Variants in PKHD1 observed in about 807,000 individuals in gnomAD.
The protein encoded by PKHD1 is fibrocystin.
PKHD1 carries 291 observed loss-of-function variants against 412.0 expected under a neutral mutation model. The ratio of observed to expected loss-of-function variants is 0.71; its 90% confidence interval spans 0.64 to 0.78. The LOEUF (loss-of-function observed/expected upper bound fraction) is 0.78, where lower values mean the gene tolerates loss of function less well. PKHD1 is among the 30% of genes least tolerant of loss of function. PKHD1 has a pLI of 0.00. For missense variants in PKHD1, 4,825 were observed against 4,950.7 expected (o/e 0.97, Z 0.76); for synonymous variants, 1,777 against 1,821.5 (o/e 0.98, Z 0.62).
At chr6:51,995,384 T>C (rs1490990157) in intron 35 of PKHD1, among the ~76,000 whole-genome samples, 2 of 152,252 alleles carry the variant, frequency 1.3e-5, no homozygotes, top group Non-Finnish European at 2.9e-5. Context: ...GCACTCAAGA[T>C]TGTACATGAT....
chr6:51,969,564 AC>A (rs756196709), intron 35 of PKHD1, among the ~76,000 whole-genome samples: 1 of 151,996 alleles, frequency 6.6e-6, no homozygotes, highest in Non-Finnish European at 1.5e-5. Context: ...CCACCCTCCC[AC>A]CCTTCTAAGC....
At chr6:51,949,040 G>C (rs1789906574) in intron 36 of PKHD1, among the ~76,000 whole-genome samples, 1 of 152,030 alleles carries the variant, frequency 6.6e-6, no homozygotes, top group African/African-American at 2.4e-5. Flanking sequence ...TTAAACAGAG[G>C]AAAAATGAGA....
intron 60 of PKHD1, among the ~76,000 whole-genome samples, chr6:51,689,038 A>T (rs1309539236): frequency 2.0e-5 from 3 of 152,144 alleles, no homozygotes; most frequent in African/African-American, 7.2e-5. Flanking sequence ...GCAGAGATAC[A>T]ACAAAAAAAA....
intron 52 of PKHD1, among the ~76,000 whole-genome samples, chr6:51,829,878 C>A (rs1471098739): frequency 6.6e-6 from 1 of 152,130 alleles, no homozygotes; most frequent in Non-Finnish European, 1.5e-5. Context: ...CAAATTTTGA[C>A]TCTGCAAATT....
At chr6:51,664,273 G>GA (rs1407721220) in intron 60 of PKHD1, among the ~76,000 whole-genome samples, 1 of 152,094 alleles carries the variant, frequency 6.6e-6, no homozygotes, top group Non-Finnish European at 1.5e-5. Flanking sequence ...GACACTGGAT[G>GA]AAAAAGAATA....
chr6:51,775,924 GT>G lies in PKHD1; in HGVS notation c.8441-4del. 1 of 1,321,476 alleles carries G rather than the reference GT, an allele frequency of 7.6e-7. No individual in the cohort carries two copies. Among genetic ancestry groups the G allele is most frequent in the Non-Finnish European group, 1.1e-6 (1 of 915,138 alleles). 81.9% of individuals were successfully genotyped at this position (1,321,476 alleles called of 1,614,324 possible). Reference sequence around the variant, plus strand: ...TTCTAAGGGATTTTCTAAAGTACCTGTTTACAAAGAAAAGTATATCATTCAA... The same window carrying G: ...TTCTAAGGGATTTTCTAAAGTACCTGTTACAAAGAAAAGTATATCATTCAA... On this transcript the variant is annotated splice_polypyrimidine_tract_variant and splice_region_variant and intron_variant, in intron 53 of 66. Coordinates refer to ENST00000371117, the MANE Select transcript of PKHD1 (RefSeq NM_138694.4).
chr6:51,824,725 G>T (rs904231702), intron 52 of PKHD1, among the ~76,000 whole-genome samples: 1 of 152,106 alleles, frequency 6.6e-6, no homozygotes, highest in Non-Finnish European at 1.5e-5. Context: ...TGTCTACCCT[G>T]AAAGAAAATG....
intron 63 of PKHD1, among the ~76,000 whole-genome samples, chr6:51,641,441 G>A (rs1281498003): frequency 6.6e-6 from 1 of 152,306 alleles, no homozygotes; most frequent in South Asian, 2.1e-4. Flanking sequence ...TTACACTGTT[G>A]GTGGGAGTGT....
At chr6:51,975,121 T>C (rs886361837) in intron 35 of PKHD1, among the ~76,000 whole-genome samples, 1 of 152,070 alleles carries the variant, frequency 6.6e-6, no homozygotes, top group South Asian at 2.1e-4. Flanking sequence ...TCATTACATT[T>C]TGCATATTAA....
At chr6:51,662,750 C>T (rs973590537) in intron 60 of PKHD1, among the ~76,000 whole-genome samples, 2 of 151,772 alleles carry the variant, frequency 1.3e-5, no homozygotes, top group Non-Finnish European at 2.9e-5. Flanking sequence ...ATTATCATTA[C>T]AGATTCTGCA....
intron 53 of PKHD1, among the ~76,000 whole-genome samples, chr6:51,788,255 T>C (rs2148453): frequency 0.59 from 88,910 of 151,616 alleles, 26,821 homozygotes; most frequent in East Asian, 0.83. Flanking sequence ...AAAAAGAAGT[T>C]AGTTTAATAT....
At chr6:51,975,517 T>C (rs6458803) in intron 35 of PKHD1, among the ~76,000 whole-genome samples, 57,721 of 150,584 alleles carry the variant, frequency 0.38, 12,788 homozygotes, top group Admixed American at 0.53. Context: ...AAAGAAGATA[T>C]ACGGATGGCC....
At chr6:51,799,422 G>A (rs754531751) in intron 52 of PKHD1, among the ~76,000 whole-genome samples, 1 of 151,936 alleles carries the variant, frequency 6.6e-6, no homozygotes, top group African/African-American at 2.4e-5. Context: ...GATGAAAACA[G>A]GTATATATAC....
At chr6:51,670,895 TAG>T (rs1448302186) in intron 60 of PKHD1, among the ~76,000 whole-genome samples, 2 of 151,990 alleles carry the variant, frequency 1.3e-5, no homozygotes, top group African/African-American at 4.8e-5. Context: ...TTCTGGCTTG[TAG>T]AGTTTCTGCC....
chr6:51,677,414 G>A lies in PKHD1; in HGVS notation c.10157-17445C>T, dbSNP rs553232535. 2.0e-5 allele frequency among the ~76,000 whole-genome samples: 3 copies of A among 152,256 alleles called. No homozygotes were observed. The South Asian group carries it at 6.2e-4, about 32-fold the overall frequency. On this transcript the variant is annotated intron_variant, in intron 60 of 66. Coordinates refer to ENST00000371117, the MANE Select transcript of PKHD1 (RefSeq NM_138694.4). ...AGAGTGAAGACAGTTCGAAAGGACT[G>A]AAGATACTGCCTAAGAACAGGAAGC... is the stretch of plus-strand genomic sequence containing the variant.
At chr6:51,758,054 A>AGAGAG (rs1485093515) in intron 55 of PKHD1, among the ~76,000 whole-genome samples, 54 of 115,342 alleles carry the variant, frequency 4.7e-4, no homozygotes, top group African/African-American at 1.6e-3. Context: ...GAGAGAGAGA[A>AGAGAG]AACAAAGCAA....
intron 36 of PKHD1, among the ~76,000 whole-genome samples, chr6:51,936,862 G>T (rs1394057368): frequency 6.6e-6 from 1 of 152,162 alleles, no homozygotes; most frequent in Non-Finnish European, 1.5e-5. Flanking sequence ...AGCCGGCCCT[G>T]AAAGAAACTG....
intron 36 of PKHD1, among the ~76,000 whole-genome samples, chr6:51,937,955 C>T (rs939459160): frequency 1.3e-5 from 2 of 152,212 alleles, no homozygotes; most frequent in African/African-American, 4.8e-5. Flanking sequence ...CATCTTGTTC[C>T]TAGCCTCACA....
chr6:51,981,319 CT>C (rs1795152702), intron 35 of PKHD1, among the ~76,000 whole-genome samples: 2 of 13,392 alleles, frequency 1.5e-4, no homozygotes, highest in South Asian at 2.0e-3. Flanking sequence ...AGCTCTCCCT[CT>C]CCCTCTCCCT....
Sources: gnomAD v4.1 joint callset for allele counts (sites outside exome capture counted in the v4.1 genomes callset) on GRCh38, gnomAD v4.1.1 for gene constraint, MANE v1.5 for transcripts, NCBI Gene and HGNC (gene_info 2026-07-23, HGNC 2026-07-21) for gene names.